The following AP2A2 variants were observed in gnomAD, a reference collection of about 807,000 sequenced individuals.
AP2A2 encodes AP-2 complex subunit alpha-2.
Under a neutral mutation model 104.2 loss-of-function variants are expected in AP2A2, and 32 were observed. The observed-to-expected ratio is 0.31, with a 90% CI of 0.23 to 0.41. AP2A2 has a LOEUF of 0.41. Among genes scored for constraint, AP2A2 ranks in the 10% least tolerant of loss-of-function variants. The pLI is 1.00. For missense variants in AP2A2, 912 were observed against 1,261.0 expected, an observed-to-expected ratio of 0.72 and a Z score of 4.19; for synonymous variants, 539 against 533.3, an observed-to-expected ratio of 1.01 and a Z score of -0.15.
chr11:1,009,036 C>T, intron 18 of AP2A2, 64 bp from the exon 19 acceptor site: 1 of 1,382,250 alleles, frequency 7.2e-7, no homozygotes, highest in Non-Finnish European at 1.0e-6. Flanking sequence ...AGGCTCTTTC[C>T]CGGTCCCTGG....
At chr11:1,010,420 C>T in intron 21 of AP2A2, 128 bp from the exon 22 acceptor site, 1 of 699,066 alleles carries the variant, frequency 1.4e-6, no homozygotes. Flanking sequence ...CAGGCCTCTG[C>T]CGAGTTGTGG....
chr11:986,886 T>C lies in AP2A2; in HGVS notation c.1064T>C (p.Leu355Pro). ...RYLALESMCT[L>P]ASSEFSHEAV... ...CTGGCCCTGGAGAGCATGTGCACGC[T>C]GGCCAGCTCTGAGTTCTCCCATGAG... Residue 355 changes from leucine to proline, a missense_variant, in exon 9 of 22, where the codon CTG becomes CCG. Transcript: ENST00000448903. The C allele has an allele frequency of 6.2e-7, 1 of 1,608,296 alleles. No homozygotes were observed. Among genetic ancestry groups the C allele is most frequent in the Non-Finnish European group, 8.5e-7 (1 of 1,177,804 alleles).
Position 925,966 on chromosome 11 carries a change from T to A in AP2A2, c.-56T>A. 1 of 1,323,956 alleles carries A rather than the reference T, an allele frequency of 7.6e-7. No individual in the cohort carries two copies. Among genetic ancestry groups the A allele is most frequent in the Admixed American group, 3.2e-5 (1 of 31,662 alleles). 82.0% of individuals were successfully genotyped at this position (1,323,956 alleles called of 1,614,324 possible). A position where few individuals can be genotyped will look rare whatever the true frequency, so the allele number is the denominator to read the frequency against. ...GGCGACCGCACTCCCCGCTTCCCGCTCCCCGCGCTCCTCCGCCCGGGTCCG... is the reference window on the plus strand; with the variant it reads ...GGCGACCGCACTCCCCGCTTCCCGCACCCCGCGCTCCTCCGCCCGGGTCCG... On this transcript the variant is annotated 5_prime_UTR_variant, in exon 1 of 22. Coordinates refer to ENST00000448903, the MANE Select transcript of AP2A2 (RefSeq NM_012305.4).
At position 1,003,299 on chromosome 11, in the gene AP2A2, G is replaced by A. The variant is rs1020616543; in HGVS notation, c.2124-423G>A. Among the ~76,000 whole-genome samples, 24 of 152,346 alleles carry A rather than the reference G, an allele frequency of 1.6e-4. 1 individual carries two copies. The highest frequency in any genetic ancestry group is 1.2e-3 in the Admixed American group (19 of 15,308). ...TGGATGGCTGGGTGCCCGTGCATGC[G>A]TGTGCATCAGCGGGGAGCAGCCAGG... On this transcript the variant is annotated intron_variant, in intron 15 of 21. Coordinates refer to ENST00000448903, the MANE Select transcript of AP2A2 (RefSeq NM_012305.4).
intron 10 of AP2A2, among the ~76,000 whole-genome samples, chr11:990,317 C>T (rs942373815): frequency 6.6e-6 from 1 of 152,170 alleles, no homozygotes; most frequent in African/African-American, 2.4e-5. Flanking sequence ...AGGGGCCAGG[C>T]AGGTGCTCGT....
In AP2A2 at chr11:984,753, G is replaced by A; in HGVS notation, c.814G>A (p.Asp272Asn). The A allele has an allele frequency of 6.2e-7, 1 of 1,606,144 alleles. No homozygotes were observed. The highest frequency in any genetic ancestry group is 1.1e-5 in the South Asian group (1 of 90,936). The stretch of plus-strand genomic sequence containing the variant: ...ACTGCTGCAGTGCTACCCACCCCCA[G>A]GTAACGCGCAGGCCGCGGCTCCTGA... The part of the protein sequence containing the change: ...LRLLQCYPPP[D>N]PAVRGRLTEC... Residue 272 changes from aspartate to asparagine, a missense_variant and splice_region_variant, in exon 7 of 22, where the codon GAC becomes AAC. Physicochemically the swap from Asp to Asn is conservative, Grantham distance 23. Coordinates refer to ENST00000448903, the MANE Select transcript of AP2A2 (RefSeq NM_012305.4).
chr11:935,779 A>G (rs551504917), intron 1 of AP2A2, among the ~76,000 whole-genome samples: 89 of 150,284 alleles, frequency 5.9e-4, no homozygotes, highest in Non-Finnish European at 1.1e-3. Flanking sequence ...TATTTTTAGT[A>G]GAGACGGAGT....
chr11:960,388 G>A (rs926669603), intron 2 of AP2A2, among the ~76,000 whole-genome samples: 4 of 152,070 alleles, frequency 2.6e-5, no homozygotes, highest in Admixed American at 6.5e-5. Context: ...GATTACAGGC[G>A]TGTGCCACCA....
intron 14 of AP2A2, among the ~76,000 whole-genome samples, chr11:998,323 A>ACCCCCCCCCATTCTGACCC (rs1855922802): frequency 1.3e-5 from 1 of 77,152 alleles, no homozygotes; most frequent in Non-Finnish European, 2.6e-5. Flanking sequence ...TCTGACTCTC[A>ACCCCCCCCCATTCTGACCC]CCCGCCCCCA....
intron 10 of AP2A2, among the ~76,000 whole-genome samples, chr11:990,431 G>T (rs1454290451): frequency 2.0e-5 from 3 of 151,792 alleles, no homozygotes; most frequent in African/African-American, 7.3e-5. Context: ...CGTCACGGGA[G>T]CCTCGTTCCT....
chr11:1,009,595 C>T lies in AP2A2; in HGVS notation c.2608-88C>T, dbSNP rs1317839751. On this transcript the variant is annotated intron_variant, in intron 20 of 21. Coordinates refer to ENST00000448903, the MANE Select transcript of AP2A2 (RefSeq NM_012305.4). ...CCCGGGGGACACGCAGCCCACGACC[C>T]AGCGCCAGGGTCTGGAGGGGCGGCC... 2.8e-5 allele frequency: 33 copies of T among 1,180,796 alleles called. No individual in the cohort carries two copies. The African/African-American group carries it at 3.7e-4, about 13-fold the overall frequency. 73.1% of individuals were successfully genotyped at this position (1,180,796 alleles called of 1,614,324 possible). A position where few individuals can be genotyped will look rare whatever the true frequency, so the allele number is the denominator to read the frequency against.
chr11:975,329 T>A (rs1000320882), intron 4 of AP2A2, among the ~76,000 whole-genome samples: 1 of 150,408 alleles, frequency 6.6e-6, no homozygotes, highest in African/African-American at 2.5e-5. Context: ...GTCTCCCTCG[T>A]GTGAGCTGAC....
intron 16 of AP2A2, among the ~76,000 whole-genome samples, chr11:1,006,107 T>C (rs1856194459): frequency 6.6e-6 from 1 of 152,238 alleles, no homozygotes; most frequent in Admixed American, 6.5e-5. Context: ...TGTTTGCATG[T>C]TGCAGTCATG....
chr11:987,269 T>C (rs1297683971), intron 9 of AP2A2, among the ~76,000 whole-genome samples: 2 of 152,238 alleles, frequency 1.3e-5, no homozygotes, highest in African/African-American at 2.4e-5. Flanking sequence ...AAATGGTTCT[T>C]CTTGGTAGAA....
In AP2A2 at chr11:1,008,120, T is replaced by A; in HGVS notation, c.2405T>A (p.Leu802His). ...CVSDFTEAPV[L>H]NIQFRYGGTF... Reference sequence around the variant, plus strand: ...TCCGACTTCACGGAGGCGCCAGTCCTCAACATTCAGTTCAGGTAAGAGCCG... The same window carrying A: ...TCCGACTTCACGGAGGCGCCAGTCCACAACATTCAGTTCAGGTAAGAGCCG... Residue 802 changes from leucine (L) to histidine (H), a missense_variant, in exon 18 of 22, where the codon CTC (leucine) becomes CAC (histidine). Leu to His is a moderately conservative substitution (Grantham distance 99, BLOSUM62 -3). Coordinates refer to ENST00000448903, the MANE Select transcript of AP2A2 (RefSeq NM_012305.4). 1 of 1,607,578 alleles carries A rather than the reference T, an allele frequency of 6.2e-7. No homozygotes were observed. The highest frequency in any genetic ancestry group is 1.7e-5 in the Admixed American group (1 of 59,496).
intron 17 of AP2A2, 123 bp downstream of exon 17, chr11:1,006,740 A>G (rs1856221651): frequency 2.7e-6 from 2 of 752,502 alleles, no homozygotes; most frequent in Non-Finnish European, 4.4e-6. Context: ...CAGATGCTAT[A>G]TGAAAATCAG....
Position 1,010,765 on chromosome 11 carries a change from TCC to T in AP2A2, c.*143_*144del. The T allele has an allele frequency of 1.3e-6, 1 of 743,670 alleles. No homozygotes were observed. Among genetic ancestry groups the T allele is most frequent in the South Asian group, 1.5e-5 (1 of 67,868 alleles). The allele number at this position is 743,670 out of a possible 1,614,324, so 46.1% of individuals were successfully genotyped here. A position where few individuals can be genotyped will look rare whatever the true frequency, so the allele number is the denominator to read the frequency against. On this transcript the variant is annotated 3_prime_UTR_variant, in exon 22 of 22. Coordinates refer to ENST00000448903, the MANE Select transcript of AP2A2 (RefSeq NM_012305.4). ...TCCCCGCCCCGCCGCCCCACACCTC[TCC>T]CCTTTGGGCTGGACGGGAACACACG... is the stretch of plus-strand genomic sequence containing the variant.
chr11:949,463 A>C (rs1564787962), intron 1 of AP2A2, among the ~76,000 whole-genome samples: 1 of 152,146 alleles, frequency 6.6e-6, no homozygotes. Flanking sequence ...AGCCAGTTGA[A>C]TCCAGCAACA....
intron 14 of AP2A2, among the ~76,000 whole-genome samples, chr11:1,000,095 C>G (rs560321427): frequency 6.6e-6 from 1 of 152,086 alleles, no homozygotes; most frequent in African/African-American, 2.4e-5. Flanking sequence ...TGTGAGCCAC[C>G]GCGTCTGGCC....
Sources: allele counts gnomAD v4.1 joint callset (sites outside exome capture counted in the v4.1 genomes callset), GRCh38; gene constraint gnomAD v4.1.1; transcripts MANE v1.5; gene names NCBI Gene and HGNC (gene_info 2026-07-23, HGNC 2026-07-21).